OTUD7B: variants seen among roughly 807,000 people sequenced by gnomAD.
OTUD7B encodes OTU domain-containing protein 7B.
In OTUD7B, 34 loss-of-function variants were observed where a neutral mutation model predicts 82.2. That is an observed-to-expected ratio of 0.41 (90% CI 0.31 to 0.55). The LOEUF (loss-of-function observed/expected upper bound fraction) is 0.55, where lower values mean the gene tolerates loss of function less well. Ranked by LOEUF, OTUD7B falls within the 20% of genes least tolerant of loss-of-function variation. OTUD7B has a pLI of 0.20. For missense variants in OTUD7B, 944 were observed against 1,062.1 expected (o/e 0.89, Z 1.55); for synonymous variants, 398 against 402.7 (o/e 0.99, Z 0.14).
intron 1 of OTUD7B, among the ~76,000 whole-genome samples, chr1:149,995,302 G>A (rs1223507706): frequency 7.9e-5 from 12 of 151,972 alleles, no homozygotes; most frequent in Admixed American, 2.0e-4. Context: ...AACCTTGGCC[G>A]GGCGCAGTGG....
Position 149,977,547 on chromosome 1 carries a change from T to C in OTUD7B, c.-37A>G, listed in dbSNP as rs1229756004. On this transcript the variant is annotated 5_prime_UTR_variant, in exon 2 of 12. Coordinates refer to ENST00000581312, the MANE Select transcript of OTUD7B (RefSeq NM_020205.4). Reference sequence around the variant, plus strand: ...GTACTTTCAGCCAGCTGGATGTAGGTAGAACATAGATCAAAATTCAGGCCT... The same window carrying C: ...GTACTTTCAGCCAGCTGGATGTAGGCAGAACATAGATCAAAATTCAGGCCT... 1.3e-6 allele frequency: 2 copies of C among 1,501,434 alleles called. No individual in the cohort carries two copies. Among genetic ancestry groups the C allele is most frequent in the South Asian group, 1.1e-5 (1 of 88,664 alleles). 93.0% of individuals were successfully genotyped at this position (1,501,434 alleles called of 1,614,324 possible).
chr1:150,052,818 A>AAC, the OTUD7B span, among the ~76,000 whole-genome samples: 2 of 8,012 alleles, frequency 2.5e-4, no homozygotes, highest in African/African-American at 3.6e-4. Flanking sequence ...AACGAAAACA[A>AAC]AAAACAAAAA....
rs1647236333 is a variant in OTUD7B at position 149,941,278 on chromosome 1, A to C, written c.*2579T>G. 6.6e-6 allele frequency: 1 copy of C among 152,170 alleles called. No homozygotes were observed. The highest frequency in any genetic ancestry group is 6.5e-5 in the Admixed American group (1 of 15,268). The allele number at this position is 152,170 out of a possible 1,614,324, so 9.4% of individuals were successfully genotyped here. On this transcript the variant is annotated 3_prime_UTR_variant, in exon 12 of 12. Coordinates refer to ENST00000581312, the MANE Select transcript of OTUD7B (RefSeq NM_020205.4). Reference sequence around the variant, plus strand: ...ACACAGCAGTCCAGTGGAGAATCAAAACTTTTCCGGCTTTATTCTCTGGGA... The same window carrying C: ...ACACAGCAGTCCAGTGGAGAATCAACACTTTTCCGGCTTTATTCTCTGGGA...
chr1:150,010,955 G>A (rs1553787268), upstream of OTUD7B, among the ~76,000 whole-genome samples: 2 of 152,202 alleles, frequency 1.3e-5, no homozygotes, highest in African/African-American at 4.8e-5. Context: ...AACAGGAGTT[G>A]GAGGAGTACA....
At chr1:150,039,753 A>G in the OTUD7B span, among the ~76,000 whole-genome samples, 2,466 of 152,282 alleles carry the variant, frequency 0.016, 65 homozygotes, top group African/African-American at 0.057. Context: ...TTTCTTGTCC[A>G]GTTTAGGCTT....
chr1:149,953,884 T>C (rs918780314), intron 7 of OTUD7B, among the ~76,000 whole-genome samples: 11 of 152,216 alleles, frequency 7.2e-5, no homozygotes, highest in African/African-American at 2.2e-4. Context: ...CTTGTGATTT[T>C]TGCACATTGA....
At chr1:149,999,999 A>G (rs1056750394) in intron 1 of OTUD7B, among the ~76,000 whole-genome samples, 3 of 152,214 alleles carry the variant, frequency 2.0e-5, no homozygotes, top group Admixed American at 2.0e-4. Context: ...GTATCTGTAG[A>G]GTGTAGCCTG....
At chr1:149,970,926 C>T in intron 3 of OTUD7B, 137 bp downstream of exon 3, 2 of 681,762 alleles carry the variant, frequency 2.9e-6, no homozygotes, top group Non-Finnish European at 4.6e-6. Flanking sequence ...CAGACTGAGG[C>T]CACCTCAGTC....
At chr1:150,026,192 T>C in the OTUD7B span, among the ~76,000 whole-genome samples, 1 of 152,204 alleles carries the variant, frequency 6.6e-6, no homozygotes, top group Non-Finnish European at 1.5e-5. Context: ...TTACATCCAT[T>C]GGCCAGAACT....
At chr1:150,061,055 A>T in the OTUD7B span, among the ~76,000 whole-genome samples, 9 of 152,212 alleles carry the variant, frequency 5.9e-5, no homozygotes, top group East Asian at 3.9e-4. Context: ...AACAAAAAAA[A>T]TTTTTTTTGT....
At chr1:150,022,394 TA>T in the OTUD7B span, among the ~76,000 whole-genome samples, 116,101 of 116,860 alleles carry the variant, frequency 0.99, 58,016 homozygotes, top group Middle Eastern at 1. Context: ...CGAAACTCTC[TA>T]CAAAAAAAAA....
chr1:149,989,830 C>T (rs1468006519), intron 1 of OTUD7B, among the ~76,000 whole-genome samples: 1 of 95,750 alleles, frequency 1.0e-5, no homozygotes. Context: ...AAGATGGATA[C>T]TTCTTATTAC....
Position 149,971,382 on chromosome 1 carries a change from C to T in OTUD7B, c.86-131G>A, listed in dbSNP as rs1176201296. The T allele has an allele frequency of 1.3e-5, 6 of 477,878 alleles. No homozygotes were observed. The Admixed American group carries it at 2.3e-4, about 18-fold the overall frequency. 29.6% of individuals were successfully genotyped at this position (477,878 alleles called of 1,614,324 possible). A position where few individuals can be genotyped will look rare whatever the true frequency, so the allele number is the denominator to read the frequency against. ...AATCATTCTTCTTTTCCTTACCCTG[C>T]TTTAATTTTCTTTATAACACTTCAA... On this transcript the variant is annotated intron_variant, in intron 2 of 11. Transcript: ENST00000581312.
At chr1:149,984,468 C>T (rs1650999612) in intron 1 of OTUD7B, among the ~76,000 whole-genome samples, 1 of 152,176 alleles carries the variant, frequency 6.6e-6, no homozygotes, top group South Asian at 2.1e-4. Flanking sequence ...ACTCTTCCTG[C>T]TTCTCTGGCC....
chr1:149,980,282 T>C lies in OTUD7B; in HGVS notation c.-66-2706A>G, dbSNP rs945296906. Among the ~76,000 whole-genome samples the C allele has an allele frequency of 2.0e-5, 3 of 151,346 alleles. No individual in the cohort carries two copies. The South Asian group carries it at 6.3e-4, about 32-fold the overall frequency. On this transcript the variant is annotated intron_variant, in intron 1 of 11. Transcript: ENST00000581312. ...AGCCAAACTTCCTAACAGCACATTC[T>C]TACATTTGATGTCTCCAGGTGCATG...
chr1:150,027,616 A>T, the OTUD7B span, among the ~76,000 whole-genome samples: 1 of 152,086 alleles, frequency 6.6e-6, no homozygotes, highest in African/African-American at 2.4e-5. Context: ...AAATAAGATA[A>T]TCAATGGCAC....
intron 6 of OTUD7B, 57 bp from the exon 7 acceptor site, chr1:149,959,853 A>C: frequency 9.3e-7 from 1 of 1,078,490 alleles, no homozygotes; most frequent in South Asian, 1.3e-5. Context: ...TCTAAGAGGC[A>C]ATACCTATTC....
At chr1:150,012,839 C>G (rs191958302), upstream of OTUD7B, among the ~76,000 whole-genome samples, 9 of 152,334 alleles carry the variant, frequency 5.9e-5, no homozygotes, top group Admixed American at 5.9e-4. Context: ...GGCTGCTTGT[C>G]TTTGGTCAGC....
At chr1:149,951,264 C>T (rs373238749) in intron 7 of OTUD7B, among the ~76,000 whole-genome samples, 23 of 152,094 alleles carry the variant, frequency 1.5e-4, no homozygotes, top group African/African-American at 5.3e-4. Context: ...AGCCACTGTG[C>T]CTGGCAATTT....
Sources: allele counts gnomAD v4.1 joint callset (sites outside exome capture counted in the v4.1 genomes callset), GRCh38; gene constraint gnomAD v4.1.1; transcripts MANE v1.5; gene names NCBI Gene and HGNC (gene_info 2026-07-23, HGNC 2026-07-21).